Variants in DNAH17 observed in about 807,000 individuals in gnomAD.
DNAH17 encodes axonemal beta dynein heavy chain 17.
In DNAH17, 376 loss-of-function variants were observed where a neutral mutation model predicts 485.6. That is an observed-to-expected ratio of 0.77 (90% CI 0.71 to 0.84). DNAH17 has a LOEUF of 0.84. Ranked by LOEUF, DNAH17 falls within the 40% of genes least tolerant of loss-of-function variation. DNAH17 has a pLI of 0.00. For missense variants in DNAH17, 6,370 were observed against 5,839.3 expected, an observed-to-expected ratio of 1.09 and a Z score of -2.96; for synonymous variants, 3,031 against 2,405.9, an observed-to-expected ratio of 1.26 and a Z score of -7.60.
chr17:78,558,349 T>C (rs985088291), intron 13 of DNAH17, 95 bp from the exon 14 acceptor site: 21 of 1,453,998 alleles, frequency 1.4e-5, no homozygotes, highest in Admixed American at 6.9e-5. Flanking sequence ...CTGGGATGTT[T>C]TGACAGCCGG....
intron 37 of DNAH17, chr17:78,496,776 A>G (rs1040028352): frequency 1.4e-5 from 2 of 142,010 alleles, no homozygotes; most frequent in Non-Finnish European, 3.0e-5. Flanking sequence ...GGTTCGCCCC[A>G]TTCTCCTGCC....
At chr17:78,572,555 G>A (rs2092374385) in intron 3 of DNAH17, 146 bp downstream of exon 3, 8 of 770,678 alleles carry the variant, frequency 1.0e-5, no homozygotes, top group South Asian at 5.5e-5. Flanking sequence ...GCACCACCTT[G>A]CCCTGCATTT....
intron 55 of DNAH17, among the ~76,000 whole-genome samples, chr17:78,467,651 G>T (rs1022588765): frequency 6.6e-6 from 1 of 152,210 alleles, no homozygotes; most frequent in Non-Finnish European, 1.5e-5. Flanking sequence ...GCAAAGGGCA[G>T]CACCACTGAA....
At chr17:78,486,860 T>C (rs938262652) in intron 44 of DNAH17, among the ~76,000 whole-genome samples, 1 of 151,740 alleles carries the variant, frequency 6.6e-6, no homozygotes, top group African/African-American at 2.4e-5. Flanking sequence ...TCTCATGATG[T>C]CATGTGGGGG....
At chr17:78,464,058 A>G (rs2088287219) in intron 56 of DNAH17, among the ~76,000 whole-genome samples, 1 of 152,196 alleles carries the variant, frequency 6.6e-6, no homozygotes, top group South Asian at 2.1e-4. Flanking sequence ...AAACTAGGAA[A>G]AAGAGAAGCT....
intron 47 of DNAH17, among the ~76,000 whole-genome samples, 155 bp downstream of exon 47, chr17:78,485,395 C>G (rs1480720028): frequency 6.6e-6 from 1 of 152,142 alleles, no homozygotes; most frequent in Non-Finnish European, 1.5e-5. Context: ...CCTCTGTCTC[C>G]GACTCAGGAA....
At chr17:78,538,212 G>A (rs114607519) in intron 18 of DNAH17, among the ~76,000 whole-genome samples, 2 of 150,226 alleles carry the variant, frequency 1.3e-5, no homozygotes, top group Non-Finnish European at 3.0e-5. Context: ...GGGGCTAAAT[G>A]AATCACTGAC....
Position 78,571,046 on chromosome 17 carries a change from A to G in DNAH17, c.833-13T>C, listed in dbSNP as rs774090258. 8 of 1,563,022 alleles carry G rather than the reference A, an allele frequency of 5.1e-6. No homozygotes were observed. In the South Asian group the frequency reaches 9.4e-5, roughly 18 times the overall value. On this transcript the variant is annotated splice_polypyrimidine_tract_variant and intron_variant, in intron 5 of 80. Transcript: ENST00000389840. ...GCTTCCTTCAGCCCTGCACGGAACA[A>G]GAACAAGTGCCCACCGGTAAGAGAG...
At chr17:78,543,709 G>T in intron 17 of DNAH17, 148 bp downstream of exon 17, 1 of 1,190,542 alleles carries the variant, frequency 8.4e-7, no homozygotes, top group African/African-American at 1.5e-5. Flanking sequence ...ACAGGTGAGA[G>T]CCACTGCATC....
chr17:78,568,776 G>C (rs546714949), intron 9 of DNAH17, among the ~76,000 whole-genome samples: 1 of 152,280 alleles, frequency 6.6e-6, no homozygotes, highest in South Asian at 2.1e-4. Flanking sequence ...GTTTTTATCT[G>C]CTGTGCGTCA....
intron 16 of DNAH17, among the ~76,000 whole-genome samples, chr17:78,547,617 ATTTTTT>A (rs58852980): frequency 2.2e-5 from 3 of 134,616 alleles, no homozygotes; most frequent in African/African-American, 2.9e-5. Flanking sequence ...GTTCATTACT[ATTTTTT>A]TTTTTTTTTT....
intron 65 of DNAH17, among the ~76,000 whole-genome samples, chr17:78,452,602 T>C (rs1309185820): frequency 6.6e-6 from 1 of 152,088 alleles, no homozygotes; most frequent in Non-Finnish European, 1.5e-5. Context: ...GCTGGGCACG[T>C]TGGTGTGTTC....
rs34251460 is a variant in DNAH17 at position 78,557,636 on chromosome 17, C to CAAAAAAAAAAAAAAAAAA, written c.2178+454_2178+471dup. Among the ~76,000 whole-genome samples the CAAAAAAAAAAAAAAAAAA allele has an allele frequency of 3.1e-4, 9 of 29,036 alleles. 1 individual carries two copies. The highest frequency in any genetic ancestry group is 4.9e-4 in the Non-Finnish European group (7 of 14,206). The allele number at this position is 29,036 out of a possible 152,430, so 19.0% of individuals were successfully genotyped here. On this transcript the variant is annotated intron_variant, in intron 14 of 80. Transcript: ENST00000389840. The stretch of plus-strand genomic sequence containing the variant: ...CCTGGGTGACAGAGTGAGACTGTCT[C>CAAAAAAAAAAAAAAAAAA]AAAAAAAAAAAAAAAAAAAAAAAAA...
chr17:78,445,637 A>C lies in DNAH17; in HGVS notation c.11255T>G (p.Phe3752Cys). 1 of 1,573,320 alleles carries C rather than the reference A, an allele frequency of 6.4e-7. No individual in the cohort carries two copies. Among genetic ancestry groups the C allele is most frequent in the Non-Finnish European group, 8.6e-7 (1 of 1,159,390 alleles). ...GGCCTTAAAAGGGAACCGCAGGAGG[A>C]AATCCAGCTCCACTGGGTTCAGCTC... ...KKELNPVELD[F>C]LLRFPFKAGV... The change falls in exon 70 of 81, where the codon TTC (phenylalanine) becomes TGC (cysteine). Residue 3752 changes from phenylalanine to cysteine, a missense_variant. Phe to Cys is a radical substitution (Grantham distance 205, BLOSUM62 -2). Coordinates refer to ENST00000389840, the MANE Select transcript of DNAH17 (RefSeq NM_173628.4).
At chr17:78,445,415 C>A in intron 70 of DNAH17, 143 bp downstream of exon 70, 2 of 1,188,258 alleles carry the variant, frequency 1.7e-6, no homozygotes, top group Non-Finnish European at 1.2e-6. Flanking sequence ...TGGTCTCCAT[C>A]CCTATGTGCG....
intron 42 of DNAH17, 104 bp downstream of exon 42, chr17:78,492,529 C>A: frequency 6.6e-7 from 1 of 1,514,830 alleles, no homozygotes; most frequent in Non-Finnish European, 8.9e-7. Context: ...GTGCCCCACC[C>A]TAGCCTGGGG....
chr17:78,498,999 G>A lies in DNAH17; in HGVS notation c.5745+9C>T, dbSNP rs1179295455. The stretch of plus-strand genomic sequence containing the variant: ...ACGTGACCCCGAGGCCGCAGGCAGG[G>A]GACTTTACCTGCACGGCAATCACAG... On this transcript the variant is annotated intron_variant, in intron 37 of 80. Transcript: ENST00000389840. The A allele has an allele frequency of 1.2e-6, 2 of 1,600,486 alleles. No individual in the cohort carries two copies. Among genetic ancestry groups the A allele is most frequent in the Admixed American group, 1.7e-5 (1 of 57,768 alleles).
intron 44 of DNAH17, among the ~76,000 whole-genome samples, chr17:78,490,472 T>C (rs1435860293): frequency 6.6e-6 from 1 of 152,216 alleles, no homozygotes; most frequent in Non-Finnish European, 1.5e-5. Context: ...CCCTGGCACT[T>C]TGTGCAAACA....
rs371147513 is a variant in DNAH17, at chr17:78,449,472, G to A, written c.11153C>T (p.Thr3718Met). 2.9e-5 allele frequency: 45 copies of A among 1,563,020 alleles called. No individual in the cohort carries two copies. Among genetic ancestry groups the A allele is most frequent in the South Asian group, 7.1e-5 (6 of 84,830 alleles). Residue 3718 changes from threonine (T) to methionine (M), a missense_variant, in exon 69 of 81, where the codon ACG becomes ATG. Coordinates refer to ENST00000389840, the MANE Select transcript of DNAH17 (RefSeq NM_173628.4). ...DEITYSVYMY[T>M]ARGLFERDKL... ...GTCCCTCTCGAAGAGTCCCCGGGCC[G>A]TGTACATGTAGACGGAGTAGGTGAT...
Sources: allele counts gnomAD v4.1 joint callset (sites outside exome capture counted in the v4.1 genomes callset), GRCh38; gene constraint gnomAD v4.1.1; transcripts MANE v1.5; gene names NCBI Gene and HGNC (gene_info 2026-07-23, HGNC 2026-07-21).